POU6F2: variants seen among roughly 807,000 people sequenced by gnomAD.
POU6F2 encodes the protein POU domain, class 6, transcription factor 2.
Under a neutral mutation model 71.3 loss-of-function variants are expected in POU6F2, and 31 were observed. That is an observed-to-expected ratio of 0.43 (90% confidence interval 0.33 to 0.59). POU6F2 has a LOEUF of 0.59. POU6F2 is among the 20% of genes least tolerant of loss of function. The probability of loss-of-function intolerance (pLI) is 0.04; values close to 1 mark genes in which losing one functional copy is unlikely to be tolerated. For synonymous variants in POU6F2, 347 were observed against 355.7 expected, an observed-to-expected ratio of 0.98 and a Z score of 0.27; for missense variants, 783 against 856.8, an observed-to-expected ratio of 0.91 and a Z score of 1.07.
intron 1 of POU6F2, among the ~76,000 whole-genome samples, chr7:38,981,744 T>C (rs574160900): frequency 1.3e-5 from 2 of 152,272 alleles, no homozygotes; most frequent in Admixed American, 6.5e-5. Context: ...ACTGGTACAA[T>C]GGGTCTTTTA....
chr7:39,339,553 C>A (rs1785862276), intron 4 of POU6F2, 89 bp from the exon 5 acceptor site: 5 of 1,453,186 alleles, frequency 3.4e-6, no homozygotes, highest in Non-Finnish European at 4.5e-6. Context: ...AAAGGAAACC[C>A]TTCTCCACTT....
At chr7:39,387,602 G>A (rs181442943) in intron 5 of POU6F2, among the ~76,000 whole-genome samples, 33 of 152,296 alleles carry the variant, frequency 2.2e-4, no homozygotes, top group African/African-American at 7.9e-4. Context: ...TCCACAATTC[G>A]GTGGCTCCTG....
At chr7:38,979,762 G>T (rs563127102) in intron 1 of POU6F2, among the ~76,000 whole-genome samples, 1 of 152,230 alleles carries the variant, frequency 6.6e-6, no homozygotes, top group East Asian at 1.9e-4. Flanking sequence ...TTCTTAGGTT[G>T]CAGGTCCTGT....
At chr7:39,231,094 C>T (rs1794566426) in intron 4 of POU6F2, among the ~76,000 whole-genome samples, 1 of 152,170 alleles carries the variant, frequency 6.6e-6, no homozygotes, top group Non-Finnish European at 1.5e-5. Context: ...AAAAAATTAT[C>T]TAGCCCCAAA....
chr7:39,414,444 G>A (rs1038236029), intron 6 of POU6F2, among the ~76,000 whole-genome samples: 2 of 152,226 alleles, frequency 1.3e-5, no homozygotes, highest in African/African-American at 2.4e-5. Flanking sequence ...CAGGCAGAGG[G>A]AGAGTGGAGG....
chr7:39,002,803 T>C (rs1294865921), intron 1 of POU6F2, among the ~76,000 whole-genome samples: 2 of 152,282 alleles, frequency 1.3e-5, no homozygotes, highest in Non-Finnish European at 2.9e-5. Flanking sequence ...TTCTGATGCA[T>C]ATCTTCTTCC....
chr7:39,367,744 C>CT (rs1786531726), intron 5 of POU6F2, among the ~76,000 whole-genome samples: 1 of 152,134 alleles, frequency 6.6e-6, no homozygotes, highest in African/African-American at 2.4e-5. Flanking sequence ...TCTAGCATGT[C>CT]TATCGGCACC....
chr7:39,419,089 ATG>A (rs1342069981), intron 6 of POU6F2, among the ~76,000 whole-genome samples: 1 of 75,086 alleles, frequency 1.3e-5, no homozygotes, highest in Non-Finnish European at 2.7e-5. Flanking sequence ...ATATACGTAT[ATG>A]TGTATATATA....
intron 4 of POU6F2, among the ~76,000 whole-genome samples, chr7:39,220,869 G>GC (rs1284326221): frequency 6.6e-6 from 1 of 152,020 alleles, no homozygotes; most frequent in African/African-American, 2.4e-5. Context: ...CAATATGGTA[G>GC]CCATGAGCCA....
At chr7:39,140,958 C>T (rs1792486234) in intron 2 of POU6F2, among the ~76,000 whole-genome samples, 1 of 152,080 alleles carries the variant, frequency 6.6e-6, no homozygotes, top group Admixed American at 6.6e-5. Context: ...GGGGCCCATG[C>T]CTACAAGTAG....
At chr7:39,463,749 C>T (rs1458083433) in intron 9 of POU6F2, among the ~76,000 whole-genome samples, 1 of 152,094 alleles carries the variant, frequency 6.6e-6, no homozygotes, top group Non-Finnish European at 1.5e-5. Flanking sequence ...ATGTAAAACA[C>T]GTAAAGAATC....
chr7:39,056,973 A>G (rs1406563311), intron 1 of POU6F2, among the ~76,000 whole-genome samples: 1 of 151,942 alleles, frequency 6.6e-6, no homozygotes, highest in Non-Finnish European at 1.5e-5. Context: ...GAAAATATTC[A>G]TTTCTCTATG....
At chr7:39,281,454 T>C (rs1583494807) in intron 4 of POU6F2, among the ~76,000 whole-genome samples, 1 of 152,118 alleles carries the variant, frequency 6.6e-6, no homozygotes, top group Non-Finnish European at 1.5e-5. Context: ...TTATCCCTCC[T>C]CCTCCCTCCC....
Position 39,404,551 on chromosome 7 carries a change from C to A in POU6F2, c.973-2049C>A, listed in dbSNP as rs186852999. ...AAATTGTTCACCCAAAATTCATGGA[C>A]CAAATCCATAGTCAACATTAAGATC... On this transcript the variant is annotated intron_variant, in intron 5 of 9. Coordinates refer to ENST00000518318, the MANE Select transcript of POU6F2 (RefSeq NM_001370959.1). The A allele has an allele frequency of 7.9e-5, 12 of 152,170 alleles. No homozygotes were observed. In the East Asian group the frequency reaches 2.1e-3, roughly 27 times the overall value. The allele number at this position is 152,170 out of a possible 1,614,324, so 9.4% of individuals were successfully genotyped here.
chr7:39,176,787 G>A (rs1379732398), intron 2 of POU6F2, among the ~76,000 whole-genome samples: 1 of 152,138 alleles, frequency 6.6e-6, no homozygotes, highest in African/African-American at 2.4e-5. Flanking sequence ...CAAATACCGT[G>A]AAAACATCAT....
intron 8 of POU6F2, among the ~76,000 whole-genome samples, chr7:39,456,047 C>G (rs1253420348): frequency 6.6e-6 from 1 of 152,170 alleles, no homozygotes; most frequent in Non-Finnish European, 1.5e-5. Flanking sequence ...ATTGCTATTA[C>G]TTTCTGGCCC....
At chr7:39,256,228 A>G (rs1562765499) in intron 4 of POU6F2, among the ~76,000 whole-genome samples, 1 of 152,112 alleles carries the variant, frequency 6.6e-6, no homozygotes. Context: ...CCTTTCATAA[A>G]GCATGTGACC....
rs539258099 is a variant in POU6F2 at position 39,371,125 on chromosome 7, A to G, written c.972+31110A>G. 3.3e-5 allele frequency among the ~76,000 whole-genome samples: 5 copies of G among 152,114 alleles called. No individual in the cohort carries two copies. The South Asian group carries it at 6.2e-4, about 19-fold the overall frequency. On this transcript the variant is annotated intron_variant, in intron 5 of 9. Coordinates refer to ENST00000518318, the MANE Select transcript of POU6F2 (RefSeq NM_001370959.1). Reference sequence around the variant, plus strand: ...GGAAGAATACTTATCTTTACAGTCAATGGAATCAAGGCTGTCTATGTGTTT... The same window carrying G: ...GGAAGAATACTTATCTTTACAGTCAGTGGAATCAAGGCTGTCTATGTGTTT...
intron 2 of POU6F2, among the ~76,000 whole-genome samples, chr7:39,115,408 T>G (rs948703034): frequency 6.6e-6 from 1 of 152,186 alleles, no homozygotes; most frequent in African/African-American, 2.4e-5. Context: ...ACTTCTTTTC[T>G]GGTACTTTGG....
Sources: gnomAD v4.1 joint callset for allele counts (sites outside exome capture counted in the v4.1 genomes callset) on GRCh38, gnomAD v4.1.1 for gene constraint, MANE v1.5 for transcripts, NCBI Gene and HGNC (gene_info 2026-07-23, HGNC 2026-07-21) for gene names.